Variants in WDR17 observed in about 807,000 individuals in gnomAD.
WDR17 encodes WD repeat-containing protein 17.
A neutral mutation model predicts 161.7 loss-of-function variants in WDR17; 143 were observed. The observed-to-expected ratio is 0.88, with a 90% CI of 0.77 to 1.02. The LOEUF (loss-of-function observed/expected upper bound fraction) is 1.02, where lower values mean the gene tolerates loss of function less well. Ranked by LOEUF, WDR17 falls within the 50% of genes least tolerant of loss-of-function variation. The probability of loss-of-function intolerance (pLI) is 0.00; values close to 1 mark genes in which losing one functional copy is unlikely to be tolerated. For synonymous variants in WDR17, 517 were observed against 515.6 expected, an observed-to-expected ratio of 1.00 and a Z score of -0.04; for missense variants, 1,469 against 1,520.9, an observed-to-expected ratio of 0.97 and a Z score of 0.57.
At chr4:176,150,907 G>A (rs937882607) in intron 16 of WDR17, among the ~76,000 whole-genome samples, 10 of 151,986 alleles carry the variant, frequency 6.6e-5, no homozygotes, top group Non-Finnish European at 1.3e-4. Context: ...AGTCTCAGAG[G>A]GCCTAATAGG....
At chr4:176,160,814 A>G in intron 19 of WDR17, 97 bp from the exon 20 acceptor site, 2 of 962,198 alleles carry the variant, frequency 2.1e-6, no homozygotes, top group Non-Finnish European at 3.0e-6. Flanking sequence ...TAAATTTCAA[A>G]CATTATTTAA....
chr4:176,107,834 T>TTTCCTTCCTTCCTTCCTTTTTTCTTCC (rs1561109342), intron 1 of WDR17, among the ~76,000 whole-genome samples: 1 of 151,650 alleles, frequency 6.6e-6, no homozygotes, highest in African/African-American at 2.4e-5. Context: ...CCTTCCTTCC[T>TTTCCTTCCTTCCTTCCTTTTTTCTTCC]TTCCTTCCTT....
chr4:176,165,638 A>C (rs890480400), intron 22 of WDR17, among the ~76,000 whole-genome samples: 1 of 152,228 alleles, frequency 6.6e-6, no homozygotes, highest in African/African-American at 2.4e-5. Flanking sequence ...AATGTTATTA[A>C]GAAAATCGTA....
At chr4:176,175,532 T>G (rs1275576536) in intron 26 of WDR17, among the ~76,000 whole-genome samples, 1 of 106,872 alleles carries the variant, frequency 9.4e-6, no homozygotes, top group East Asian at 3.1e-4. Context: ...GGTTAAGCAG[T>G]CTTTTATTTG....
In WDR17 at chr4:176,160,918, G is replaced by C. The variant is rs7693453; in HGVS notation, c.2666G>C (p.Cys889Ser). The part of the protein sequence containing the change: ...KEALLVAQAA[C>S]EGNMQPLHVS... ...CATTTAATTAAATTCTAGGCTGCTT[G>C]TGAAGGAAATATGCAGCCCTTACAT... The change falls in exon 20 of 29, where the codon TGT (cysteine) becomes TCT (serine). Residue 889 changes from cysteine to serine, a missense_variant. Transcript: ENST00000508596. 386,088 of 1,588,746 alleles carry C rather than the reference G, an allele frequency of 0.24. 48,706 individuals are homozygous for C. The highest frequency in any genetic ancestry group is 0.29 in the Middle Eastern group (1,714 of 5,990).
chr4:176,129,610 A>T (rs1743034841), intron 6 of WDR17, among the ~76,000 whole-genome samples: 1 of 152,146 alleles, frequency 6.6e-6, no homozygotes, highest in African/African-American at 2.4e-5. Context: ...TTCAGTGATG[A>T]AAAGTTTAGA....
rs192219124 is a variant in WDR17, at chr4:176,101,141, A to G, written c.-6-10434A>G. 6.8e-4 allele frequency among the ~76,000 whole-genome samples: 104 copies of G among 152,188 alleles called. 1 individual carries two copies. Among genetic ancestry groups the G allele is most frequent in the African/African-American group, 2.3e-3 (94 of 41,520 alleles). On this transcript the variant is annotated intron_variant, in intron 1 of 28. Transcript: ENST00000508596. The stretch of plus-strand genomic sequence containing the variant: ...TTAAAACCTACCCTCAAGAGAACCT[A>G]TTTGTCCAGAGCGTAACTCTGGGGT...
chr4:176,090,140 A>G (rs1182218520), intron 1 of WDR17, among the ~76,000 whole-genome samples: 3 of 151,538 alleles, frequency 2.0e-5, no homozygotes, highest in Non-Finnish European at 2.9e-5. Flanking sequence ...TGTTGCAGTT[A>G]GGGTATAGTG....
At chr4:176,173,231 A>G in intron 24 of WDR17, 36 bp from the exon 25 acceptor site, 1 of 1,406,106 alleles carries the variant, frequency 7.1e-7, no homozygotes, top group Non-Finnish European at 9.9e-7. Context: ...TGAGACTGTT[A>G]TTTAATGAAT....
At chr4:176,160,887 A>G in intron 19 of WDR17, 24 bp from the exon 20 acceptor site, 1 of 1,559,856 alleles carries the variant, frequency 6.4e-7, no homozygotes, top group South Asian at 1.2e-5. Flanking sequence ...CTAAAGAATA[A>G]TTCAACATTT....
intron 10 of WDR17, among the ~76,000 whole-genome samples, chr4:176,141,415 T>C (rs1745234548): frequency 6.6e-6 from 1 of 152,182 alleles, no homozygotes; most frequent in South Asian, 2.1e-4. Context: ...ACACTATGTT[T>C]TCCTCAATTT....
intron 2 of WDR17, among the ~76,000 whole-genome samples, chr4:176,115,028 G>T (rs1170821392): frequency 6.6e-6 from 1 of 151,932 alleles, no homozygotes; most frequent in South Asian, 2.1e-4. Context: ...CTGTTTATCA[G>T]TTAGGATTTT....
At chr4:176,114,741 T>C (rs1422484944) in intron 2 of WDR17, among the ~76,000 whole-genome samples, 2 of 151,796 alleles carry the variant, frequency 1.3e-5, no homozygotes, top group Admixed American at 6.6e-5. Flanking sequence ...AGTCATGGGA[T>C]AGGTTCTGGG....
intron 1 of WDR17, among the ~76,000 whole-genome samples, chr4:176,094,122 TTTC>T (rs554716196): frequency 1.7e-3 from 253 of 152,308 alleles, no homozygotes; most frequent in African/African-American, 5.9e-3. Flanking sequence ...CCAAAAACAA[TTTC>T]TTAAGTGATT....
rs1213670873 is a variant in WDR17, at chr4:176,148,331, A to G, written c.1893A>G (p.Val631=). The change falls in exon 13 of 29, where the codon GTA becomes GTG. Residue 631 remains valine (V), a synonymous_variant. Coordinates refer to ENST00000508596, the MANE Select transcript of WDR17 (RefSeq NM_181265.4). ...CTGTGTATGATCACGGTGCAGATGTATATGGTAGAGTGTCTTTCATTCTTT... is the reference window on the plus strand; with the variant it reads ...CTGTGTATGATCACGGTGCAGATGTGTATGGTAGAGTGTCTTTCATTCTTT... ...VDTVYDHGAD[V]YGLTCHPSRP... is the part of the protein sequence containing the mutation. 1.9e-6 allele frequency: 3 copies of G among 1,613,162 alleles called. No homozygotes were observed. The highest frequency in any genetic ancestry group is 2.2e-5 in the East Asian group (1 of 44,842).
At chr4:176,076,525 G>A (rs562409151) in intron 1 of WDR17, among the ~76,000 whole-genome samples, 27 of 144,930 alleles carry the variant, frequency 1.9e-4, no homozygotes, top group African/African-American at 6.1e-4. Context: ...TTCATTCCTT[G>A]TATACTGTAT....
At chr4:176,110,991 A>G (rs1368327944) in intron 1 of WDR17, among the ~76,000 whole-genome samples, 1 of 152,186 alleles carries the variant, frequency 6.6e-6, no homozygotes, top group Non-Finnish European at 1.5e-5. Flanking sequence ...AGTGAACAGT[A>G]TTGTTAACCT....
chr4:176,125,223 T>A lies in WDR17; in HGVS notation c.658T>A (p.Leu220Met). The change falls in exon 5 of 29, where the codon TTG becomes ATG. Residue 220 changes from leucine (L) to methionine (M), a missense_variant. By Grantham distance (15) the Leu-to-Met change is conservative. Coordinates refer to ENST00000508596, the MANE Select transcript of WDR17 (RefSeq NM_181265.4). The part of the protein sequence containing the change: ...LSTDYLLVVN[L>M]HYGIRLVDSE... Reference sequence around the variant, plus strand: ...TACTGATTATCTTCTAGTGGTTAATTTGCATTATGGAATTCGCCTGGTAGA... The same window carrying A: ...TACTGATTATCTTCTAGTGGTTAATATGCATTATGGAATTCGCCTGGTAGA... The A allele has an allele frequency of 1.9e-6, 3 of 1,614,148 alleles. No homozygotes were observed. The South Asian group carries it at 3.3e-5, about 18-fold the overall frequency.
chr4:176,171,576 G>A (rs766719779), intron 23 of WDR17, among the ~76,000 whole-genome samples: 16 of 152,100 alleles, frequency 1.1e-4, no homozygotes, highest in African/African-American at 3.4e-4. Context: ...TTAAATGAAT[G>A]TATTAATAAA....
Sources: gnomAD v4.1 joint callset for allele counts (sites outside exome capture counted in the v4.1 genomes callset) on GRCh38, gnomAD v4.1.1 for gene constraint, MANE v1.5 for transcripts, NCBI Gene and HGNC (gene_info 2026-07-23, HGNC 2026-07-21) for gene names.